SLIT3: variants seen among roughly 807,000 people sequenced by gnomAD.
SLIT3 encodes the protein slit guidance ligand 3, also known as slit homolog 3 protein.
A neutral mutation model predicts 184.0 loss-of-function variants in SLIT3; 68 were observed. The observed-to-expected ratio is 0.37, with a 90% CI of 0.30 to 0.45. The LOEUF is 0.45. Ranked by LOEUF, SLIT3 falls within the 20% of genes least tolerant of loss-of-function variation. The probability of loss-of-function intolerance (pLI) is 1.00; values close to 1 mark genes in which losing one functional copy is unlikely to be tolerated. For missense variants in SLIT3, 1,707 were observed against 2,026.0 expected (o/e 0.84, Z 3.02); for synonymous variants, 831 against 828.6 (o/e 1.00, Z -0.05).
chr5:168,776,147 A>G (rs1227830102), intron 12 of SLIT3, among the ~76,000 whole-genome samples: 1 of 152,122 alleles, frequency 6.6e-6, no homozygotes, highest in Non-Finnish European at 1.5e-5. Context: ...GTCTCTCCAT[A>G]CCAGGATCCA....
intron 4 of SLIT3, among the ~76,000 whole-genome samples, chr5:169,097,525 T>C (rs1220362420): frequency 1.3e-5 from 2 of 152,206 alleles, no homozygotes; most frequent in South Asian, 2.1e-4. Context: ...ATTTTCAAAA[T>C]TGTATTTATC....
chr5:169,267,364 C>T (rs113205208), intron 1 of SLIT3, among the ~76,000 whole-genome samples: 1,825 of 152,308 alleles, frequency 0.012, 36 homozygotes, highest in African/African-American at 0.042. Flanking sequence ...TAAGCTCCAA[C>T]TTACTGGGCT....
At chr5:168,788,795 C>T (rs1756252212) in intron 11 of SLIT3, among the ~76,000 whole-genome samples, 1 of 151,974 alleles carries the variant, frequency 6.6e-6, no homozygotes, top group African/African-American at 2.4e-5. Context: ...AGAACAGTAC[C>T]TGGTACCCAG....
At chr5:169,225,878 C>T (rs373385095) in intron 3 of SLIT3, among the ~76,000 whole-genome samples, 47 of 152,282 alleles carry the variant, frequency 3.1e-4, no homozygotes, top group African/African-American at 9.4e-4. Context: ...GGGTGTTAAG[C>T]ATAGTCTGTG....
chr5:169,104,466 G>A (rs568879519), intron 4 of SLIT3, among the ~76,000 whole-genome samples: 1 of 152,154 alleles, frequency 6.6e-6, no homozygotes, highest in Non-Finnish European at 1.5e-5. Flanking sequence ...AAATGAAAAG[G>A]CTTTAAAAAC....
At chr5:169,033,138 A>G (rs62379486) in intron 4 of SLIT3, among the ~76,000 whole-genome samples, 6,047 of 150,484 alleles carry the variant, frequency 0.04, 159 homozygotes, top group Middle Eastern at 0.061. Flanking sequence ...TTTGTTCTCT[A>G]TTTCTGTACA....
chr5:169,206,471 T>C (rs1332666067), intron 3 of SLIT3, among the ~76,000 whole-genome samples: 1 of 152,202 alleles, frequency 6.6e-6, no homozygotes, highest in African/African-American at 2.4e-5. Flanking sequence ...ATAGAAATAC[T>C]CTAGCTAGTA....
intron 4 of SLIT3, among the ~76,000 whole-genome samples, chr5:169,011,751 T>C (rs1332615778): frequency 2.6e-5 from 4 of 152,226 alleles, no homozygotes; most frequent in African/African-American, 4.8e-5. Flanking sequence ...CCCGATGTTA[T>C]TGTCAGCAAA....
At chr5:168,967,070 G>A (rs527570973) in intron 4 of SLIT3, among the ~76,000 whole-genome samples, 2 of 152,154 alleles carry the variant, frequency 1.3e-5, no homozygotes, top group Non-Finnish European at 2.9e-5. Context: ...AACTGTAGGA[G>A]CTAGTTGTCA....
chr5:168,718,560 C>T (rs994495764), intron 23 of SLIT3, among the ~76,000 whole-genome samples: 3 of 152,056 alleles, frequency 2.0e-5, no homozygotes, highest in Admixed American at 2.0e-4. Flanking sequence ...GTTCTCTTTT[C>T]GCTATTTTCA....
chr5:168,911,936 C>A (rs183742330), intron 4 of SLIT3, among the ~76,000 whole-genome samples: 3 of 152,202 alleles, frequency 2.0e-5, no homozygotes, highest in African/African-American at 7.2e-5. Context: ...CTTTCACTTA[C>A]ACAACAATCC....
At chr5:169,122,089 A>G (rs1760898481) in intron 4 of SLIT3, among the ~76,000 whole-genome samples, 1 of 152,210 alleles carries the variant, frequency 6.6e-6, no homozygotes, top group Admixed American at 6.5e-5. Context: ...GCTTGGCCCC[A>G]GACTGCCCTG....
chr5:168,812,155 A>G (rs1340550699), intron 8 of SLIT3, among the ~76,000 whole-genome samples: 2 of 152,214 alleles, frequency 1.3e-5, no homozygotes, highest in Non-Finnish European at 2.9e-5. Flanking sequence ...AAGAAAGTTG[A>G]TCTCATAGAA....
chr5:169,203,901 A>T (rs1763983276), intron 3 of SLIT3, among the ~76,000 whole-genome samples: 1 of 152,182 alleles, frequency 6.6e-6, no homozygotes. Context: ...GATATGTTAA[A>T]TTTGATATGC....
intron 5 of SLIT3, among the ~76,000 whole-genome samples, chr5:168,869,615 G>T (rs537871234): frequency 6.6e-6 from 1 of 152,276 alleles, no homozygotes; most frequent in East Asian, 1.9e-4. Context: ...ATGGGCTTTA[G>T]AAGTTATCTC....
At chr5:169,146,067 A>T (rs536564429) in intron 4 of SLIT3, among the ~76,000 whole-genome samples, 1 of 152,282 alleles carries the variant, frequency 6.6e-6, no homozygotes, top group African/African-American at 2.4e-5. Context: ...AATAATAGCT[A>T]ACACATACTG....
chr5:168,800,117 G>C (rs1041545565), intron 9 of SLIT3, among the ~76,000 whole-genome samples: 3 of 152,236 alleles, frequency 2.0e-5, no homozygotes, highest in African/African-American at 7.2e-5. Flanking sequence ...TCCTGGGCTA[G>C]TTGGTTGGAC....
At chr5:168,975,519 C>T (rs937282767) in intron 4 of SLIT3, among the ~76,000 whole-genome samples, 1 of 151,864 alleles carries the variant, frequency 6.6e-6, no homozygotes, top group Admixed American at 6.6e-5. Context: ...ACAGACACAG[C>T]CACACATGGG....
At chr5:168,851,086 G>A (rs1466414336) in intron 5 of SLIT3, among the ~76,000 whole-genome samples, 1 of 152,138 alleles carries the variant, frequency 6.6e-6, no homozygotes, top group Non-Finnish European at 1.5e-5. Context: ...CACTTTGGGA[G>A]GCCGAGGCAG....
Sources: allele counts gnomAD v4.1 joint callset (sites outside exome capture counted in the v4.1 genomes callset), GRCh38; gene constraint gnomAD v4.1.1; transcripts MANE v1.5; gene names NCBI Gene and HGNC (gene_info 2026-07-23, HGNC 2026-07-21).